PLXNA4: variants seen among roughly 807,000 people sequenced by gnomAD.
PLXNA4 encodes plexin A4.
In PLXNA4, 44 loss-of-function variants were observed where a neutral mutation model predicts 191.8. The observed-to-expected ratio is 0.23, with a 90% confidence interval of 0.18 to 0.29. The LOEUF (loss-of-function observed/expected upper bound fraction) is 0.29. PLXNA4 is among the 10% of genes least tolerant of loss of function. The probability of loss-of-function intolerance (pLI) is 1.00; values close to 1 mark genes in which losing one functional copy is unlikely to be tolerated. For synonymous variants in PLXNA4, 1,082 were observed against 1,009.5 expected (o/e 1.07, Z -1.36); for missense variants, 1,800 against 2,488.8 (o/e 0.72, Z 5.89).
At position 132,276,194 on chromosome 7, in the gene PLXNA4, A is replaced by G. The variant is rs138712782; in HGVS notation, c.1503+21897T>C. Among the ~76,000 whole-genome samples, 18 of 152,274 alleles carry G rather than the reference A, an allele frequency of 1.2e-4. No homozygotes were observed. The East Asian group carries it at 3.5e-3, about 29-fold the overall frequency. On this transcript the variant is annotated intron_variant, in intron 4 of 31. Transcript: ENST00000321063. ...TGCATGAGCATAGCCTGTTTGGTCCACTGCTGCCTCTCCACTCTGTCAAAG... is the reference window on the plus strand; with the variant it reads ...TGCATGAGCATAGCCTGTTTGGTCCGCTGCTGCCTCTCCACTCTGTCAAAG...
At chr7:132,217,914 T>C (rs1226180624) in intron 9 of PLXNA4, among the ~76,000 whole-genome samples, 23 of 140,098 alleles carry the variant, frequency 1.6e-4, no homozygotes, top group African/African-American at 6.1e-4. Flanking sequence ...TTTTTTTTTT[T>C]TTTTTTTTTT....
At chr7:132,467,248 C>T (rs1048684679) in intron 3 of PLXNA4, among the ~76,000 whole-genome samples, 2 of 152,100 alleles carry the variant, frequency 1.3e-5, no homozygotes, top group Admixed American at 6.5e-5. Flanking sequence ...AAAAGAGGTG[C>T]GAGGGTAATT....
intron 4 of PLXNA4, among the ~76,000 whole-genome samples, chr7:132,253,157 C>T (rs910811266): frequency 6.6e-6 from 1 of 151,328 alleles, no homozygotes; most frequent in South Asian, 2.1e-4. Context: ...ATGCTTTAAC[C>T]TTTAGTCTTT....
chr7:132,468,200 A>G (rs1355599517), intron 3 of PLXNA4, among the ~76,000 whole-genome samples: 1 of 152,188 alleles, frequency 6.6e-6, no homozygotes, highest in East Asian at 1.9e-4. Context: ...GACAAATCGT[A>G]CATTCAAACT....
chr7:132,489,799 G>A (rs576025704), intron 2 of PLXNA4, among the ~76,000 whole-genome samples: 7 of 151,872 alleles, frequency 4.6e-5, no homozygotes, highest in South Asian at 2.1e-4. Flanking sequence ...TCATCCTCAC[G>A]TGGAAAAGCC....
intron 4 of PLXNA4, among the ~76,000 whole-genome samples, chr7:132,269,464 C>T (rs1458835318): frequency 2.6e-5 from 4 of 151,086 alleles, no homozygotes; most frequent in Non-Finnish European, 5.9e-5. Flanking sequence ...TGAAAGGATG[C>T]TGCTCATGAT....
Position 132,237,869 on chromosome 7 carries a change from G to A in PLXNA4, c.1604+3197C>T, listed in dbSNP as rs17166275. The stretch of plus-strand genomic sequence containing the variant: ...TTATTTGTGACAAAAATCGGTACCC[G>A]TGGACACGTACAGGGCAGTGAAAAA... On this transcript the variant is annotated intron_variant, in intron 5 of 31. Transcript: ENST00000321063. Among the ~76,000 whole-genome samples, 1,298 of 152,284 alleles carry A rather than the reference G, an allele frequency of 8.5e-3. 23 individuals are homozygous for A. The highest frequency in any genetic ancestry group is 0.029 in the African/African-American group (1,223 of 41,556).
At chr7:132,521,926 G>T (rs1299373450) in intron 1 of PLXNA4, among the ~76,000 whole-genome samples, 1 of 152,180 alleles carries the variant, frequency 6.6e-6, no homozygotes. Context: ...ATACAGAAAG[G>T]AGCATGTTGG....
At chr7:132,461,342 C>T (rs1796494998) in intron 3 of PLXNA4, among the ~76,000 whole-genome samples, 1 of 151,878 alleles carries the variant, frequency 6.6e-6, no homozygotes, top group Non-Finnish European at 1.5e-5. Context: ...AAGTATAATG[C>T]AAAAAAGAAA....
intron 10 of PLXNA4, among the ~76,000 whole-genome samples, chr7:132,203,910 C>G (rs1402630618): frequency 1.3e-5 from 2 of 152,152 alleles, no homozygotes; most frequent in East Asian, 3.9e-4. Context: ...TACCAAAGAC[C>G]TGGGGAGGGG....
chr7:132,173,322 T>C (rs1584793936), intron 21 of PLXNA4, among the ~76,000 whole-genome samples: 1 of 152,274 alleles, frequency 6.6e-6, no homozygotes, highest in South Asian at 2.1e-4. Context: ...TAGACAAAAG[T>C]ATCAGGATAC....
intron 3 of PLXNA4, among the ~76,000 whole-genome samples, chr7:132,308,302 A>T (rs558123333): frequency 1.3e-5 from 2 of 152,204 alleles, no homozygotes; most frequent in East Asian, 3.9e-4. Context: ...TAGGTCAGCC[A>T]CCCCGTGACC....
At chr7:132,563,858 TC>T (rs1801538304) in intron 1 of PLXNA4, among the ~76,000 whole-genome samples, 1 of 95,580 alleles carries the variant, frequency 1.0e-5, no homozygotes. Flanking sequence ...CTGCTCCTCC[TC>T]CTCCTCTCCT....
At chr7:132,611,118 C>A (rs1803038012) in intron 2 of PLXNA4, among the ~76,000 whole-genome samples, 1 of 152,202 alleles carries the variant, frequency 6.6e-6, no homozygotes, top group Non-Finnish European at 1.5e-5. Context: ...CTCTCTTTGA[C>A]AAACTAAGAG....
chr7:132,224,533 G>A (rs758155093), intron 8 of PLXNA4, among the ~76,000 whole-genome samples: 5 of 152,154 alleles, frequency 3.3e-5, no homozygotes, highest in Non-Finnish European at 7.3e-5. Flanking sequence ...GAGTCTTTGT[G>A]TTGCATTGAT....
intron 3 of PLXNA4, among the ~76,000 whole-genome samples, chr7:132,398,060 G>T (rs1466181294): frequency 6.6e-6 from 1 of 152,198 alleles, no homozygotes; most frequent in Non-Finnish European, 1.5e-5. Flanking sequence ...GCAGTAGAAA[G>T]CAAAGGCACC....
At chr7:132,338,542 T>C (rs1236274305) in intron 3 of PLXNA4, among the ~76,000 whole-genome samples, 1 of 152,206 alleles carries the variant, frequency 6.6e-6, no homozygotes, top group Non-Finnish European at 1.5e-5. Flanking sequence ...ATGCTGCCAG[T>C]GCAGTAATTA....
intron 3 of PLXNA4, among the ~76,000 whole-genome samples, chr7:132,374,751 G>T (rs1804589475): frequency 6.6e-6 from 1 of 152,184 alleles, no homozygotes; most frequent in South Asian, 2.1e-4. Flanking sequence ...AAATGAATCA[G>T]TGTGAGGCAC....
chr7:132,564,006 CCTT>C (rs1801569064), intron 1 of PLXNA4, among the ~76,000 whole-genome samples: 4 of 77,588 alleles, frequency 5.2e-5, no homozygotes, highest in African/African-American at 1.6e-4. Context: ...TTCTCCTCCT[CCTT>C]CTCCTCCTCC....
Sources: allele counts gnomAD v4.1 joint callset (sites outside exome capture counted in the v4.1 genomes callset), GRCh38; gene constraint gnomAD v4.1.1; transcripts MANE v1.5; gene names NCBI Gene and HGNC (gene_info 2026-07-23, HGNC 2026-07-21).